KLF7: variants seen among roughly 807,000 people sequenced by gnomAD.
KLF7 encodes KLF transcription factor 7.
In KLF7, 2 loss-of-function variants were observed where a neutral mutation model predicts 27.3. The observed-to-expected ratio is 0.07, with a 90% CI of 0.03 to 0.23. The LOEUF (loss-of-function observed/expected upper bound fraction) is 0.23, where lower values mean the gene tolerates loss of function less well. Ranked by LOEUF, KLF7 falls within the 10% of genes least tolerant of loss-of-function variation. The probability of loss-of-function intolerance (pLI) is 1.00; values close to 1 mark genes in which losing one functional copy is unlikely to be tolerated. For missense variants in KLF7, 221 were observed against 394.1 expected, an observed-to-expected ratio of 0.56 and a Z score of 3.72; for synonymous variants, 165 against 162.4, an observed-to-expected ratio of 1.02 and a Z score of -0.12.
chr2:207,129,768 T>C (rs1559146270), intron 1 of KLF7, among the ~76,000 whole-genome samples: 1 of 152,324 alleles, frequency 6.6e-6, no homozygotes, highest in East Asian at 1.9e-4. Context: ...AATCATTTGT[T>C]TGTATCAGTA....
rs543465519 is a variant in KLF7 at position 207,090,906 on chromosome 2, G to T, written c.734-2325C>A. Among the ~76,000 whole-genome samples, 27 of 152,150 alleles carry T rather than the reference G, an allele frequency of 1.8e-4. No homozygotes were observed. In the East Asian group the frequency reaches 5.0e-3, roughly 28 times the overall value. ...GCACAAACAAAAAAAGGAGAATGAGGCACCTAAGACTTTGGAAATTCAAAA... is the reference window on the plus strand; with the variant it reads ...GCACAAACAAAAAAAGGAGAATGAGTCACCTAAGACTTTGGAAATTCAAAA... On this transcript the variant is annotated intron_variant, in intron 2 of 3. Transcript: ENST00000309446.
chr2:207,089,426 G>C (rs2076460673), intron 2 of KLF7, among the ~76,000 whole-genome samples: 1 of 152,224 alleles, frequency 6.6e-6, no homozygotes, highest in Admixed American at 6.5e-5. Flanking sequence ...GGATATGTAA[G>C]AGCAAGTACA....
intron 1 of KLF7, among the ~76,000 whole-genome samples, chr2:207,144,392 C>T (rs1026813053): frequency 4.6e-5 from 7 of 152,080 alleles, no homozygotes; most frequent in Non-Finnish European, 1.0e-4. Flanking sequence ...CTTGGGTTAC[C>T]GACAAGTACC....
intron 2 of KLF7, among the ~76,000 whole-genome samples, chr2:207,102,125 T>TACACACACACAC (rs1553522202): frequency 5.7e-4 from 69 of 121,298 alleles, no homozygotes; most frequent in East Asian, 1.0e-3. Context: ...TACATTCACA[T>TACACACACACAC]TCACACACAC....
At chr2:207,106,790 C>T (rs773420269) in intron 2 of KLF7, among the ~76,000 whole-genome samples, 11 of 152,024 alleles carry the variant, frequency 7.2e-5, no homozygotes, top group Non-Finnish European at 1.3e-4. Flanking sequence ...TGCTAAGACC[C>T]GGAAATAGGC....
intron 2 of KLF7, among the ~76,000 whole-genome samples, chr2:207,119,949 C>T (rs973342010): frequency 2.6e-5 from 4 of 152,190 alleles, no homozygotes; most frequent in Non-Finnish European, 5.9e-5. Flanking sequence ...CTGCCTAGGC[C>T]TCCCAAAGTG....
chr2:207,110,044 T>C (rs1209629984), intron 2 of KLF7: 1 of 154,880 alleles, frequency 6.5e-6, no homozygotes, highest in Non-Finnish European at 1.5e-5. Flanking sequence ...AATAGCATAT[T>C]GTCCATTGTA....
intron 1 of KLF7, among the ~76,000 whole-genome samples, chr2:207,165,141 C>A (rs2078668306): frequency 1.3e-5 from 2 of 152,200 alleles, no homozygotes; most frequent in South Asian, 4.2e-4. Flanking sequence ...CACCTTCCCA[C>A]CCGGCTCCTC....
At position 207,155,979 on chromosome 2, in the gene KLF7, T is replaced by C. The variant is rs569415843; in HGVS notation, c.102+9488A>G. ...TGCTAACTCGGCTCTGGAAGGTGAA[T>C]GTGAGAACGGCGTCAAGAGCAGGTG... is the stretch of plus-strand genomic sequence containing the variant. On this transcript the variant is annotated intron_variant, in intron 1 of 3. Transcript: ENST00000309446. 2.6e-5 allele frequency among the ~76,000 whole-genome samples: 4 copies of C among 152,336 alleles called. No individual in the cohort carries two copies. In the South Asian group the frequency reaches 8.3e-4, roughly 32 times the overall value.
intron 3 of KLF7, among the ~76,000 whole-genome samples, chr2:207,081,601 C>T (rs1395477518): frequency 6.6e-6 from 1 of 152,070 alleles, no homozygotes; most frequent in Non-Finnish European, 1.5e-5. Flanking sequence ...ACTGGCACAT[C>T]GTAGGATCTC....
In KLF7 at chr2:207,126,820, A is replaced by G. The variant is rs143031970; in HGVS notation, c.103-2416T>C. On this transcript the variant is annotated intron_variant, in intron 1 of 3. Transcript: ENST00000309446. The stretch of plus-strand genomic sequence containing the variant: ...GACCCTGTTTCTACCAAAAAAAAAA[A>G]AAAAAATCAGCTGACTCATGGGGTA... Among the ~76,000 whole-genome samples the G allele has an allele frequency of 3.7e-3, 569 of 152,034 alleles. 5 individuals carry two copies. The highest frequency in any genetic ancestry group is 0.013 in the African/African-American group (552 of 41,468).
At chr2:207,087,149 T>C (rs533381520) in intron 3 of KLF7, among the ~76,000 whole-genome samples, 10 of 152,262 alleles carry the variant, frequency 6.6e-5, no homozygotes, top group Admixed American at 6.5e-4. Context: ...ACTTGTATTC[T>C]TGGGTAGCAG....
At position 207,165,871 on chromosome 2, in the gene KLF7, A is replaced by C; in HGVS notation, c.-303T>G. The C allele has an allele frequency of 8.1e-7, 1 of 1,230,606 alleles. No homozygotes were observed. The highest frequency in any genetic ancestry group is 1.0e-6 in the Non-Finnish European group (1 of 977,372). The allele number at this position is 1,230,606 out of a possible 1,614,324, so 76.2% of individuals were successfully genotyped here. A position where few individuals can be genotyped will look rare whatever the true frequency, so the allele number is the denominator to read the frequency against. ...GTAACAATTCCCTTCCAGGGCTCTA[A>C]TCACTCCAGCTCGTGGATCAGGAAG... On this transcript the variant is annotated 5_prime_UTR_variant, in exon 1 of 4. Transcript: ENST00000309446.
intron 1 of KLF7, among the ~76,000 whole-genome samples, chr2:207,130,778 T>C (rs1052412683): frequency 1.3e-5 from 2 of 152,256 alleles, no homozygotes; most frequent in African/African-American, 4.8e-5. Context: ...TTTTTGCTAC[T>C]ACCCAATAAC....
rs568879673 is a variant in KLF7 at position 207,079,228 on chromosome 2, A to G, written c.*1985T>C. On this transcript the variant is annotated 3_prime_UTR_variant, in exon 4 of 4. Coordinates refer to ENST00000309446, the MANE Select transcript of KLF7 (RefSeq NM_003709.4). ...TTGCCCTCAGACGAGTAGTTTCAAC[A>G]TTTCAGTGAAAACAAAGGTTGCAGA... The G allele has an allele frequency of 3.3e-5, 5 of 152,312 alleles. No homozygotes were observed. The South Asian group carries it at 1.0e-3, about 32-fold the overall frequency. 9.4% of individuals were successfully genotyped at this position (152,312 alleles called of 1,614,324 possible).
intron 2 of KLF7, 27 bp from the exon 3 acceptor site, chr2:207,088,608 G>C (rs2076442520): frequency 6.2e-7 from 1 of 1,608,674 alleles, no homozygotes; most frequent in Non-Finnish European, 8.5e-7. Context: ...AAGGACCGTG[G>C]TCAGCAGCAG....
chr2:207,143,600 GACC>G (rs2078007290), intron 1 of KLF7, among the ~76,000 whole-genome samples: 2 of 152,244 alleles, frequency 1.3e-5, no homozygotes, highest in African/African-American at 4.8e-5. Flanking sequence ...ATGCATTTAT[GACC>G]ACATTCTCCT....
At chr2:207,088,660 G>C (rs1399576187) in intron 2 of KLF7, 79 bp from the exon 3 acceptor site, 1 of 1,499,346 alleles carries the variant, frequency 6.7e-7, no homozygotes, top group African/African-American at 1.4e-5. Flanking sequence ...GCTGCCTGCT[G>C]GTCAGGCTTG....
At chr2:207,096,649 T>G (rs2076636633) in intron 2 of KLF7, among the ~76,000 whole-genome samples, 1 of 152,146 alleles carries the variant, frequency 6.6e-6, no homozygotes, top group African/African-American at 2.4e-5. Context: ...CCTTCTTCTC[T>G]GATCCCCACC....
Sources: gnomAD v4.1 joint callset for allele counts (sites outside exome capture counted in the v4.1 genomes callset) on GRCh38, gnomAD v4.1.1 for gene constraint, MANE v1.5 for transcripts, NCBI Gene and HGNC (gene_info 2026-07-23, HGNC 2026-07-21) for gene names.